Variants in PON1 observed in about 807,000 individuals in gnomAD.
The protein encoded by PON1 is serum paraoxonase/arylesterase 1.
In PON1, 37 loss-of-function variants were observed where a neutral mutation model predicts 39.2. The observed-to-expected ratio is 0.94, with a 90% CI of 0.73 to 1.24. The LOEUF (loss-of-function observed/expected upper bound fraction) is 1.24, where lower values mean the gene tolerates loss of function less well. Among genes scored for constraint, PON1 ranks in the 50% most tolerant of loss-of-function variants. PON1 has a pLI of 0.00. For synonymous variants in PON1, 148 were observed against 152.2 expected (o/e 0.97, Z 0.21); for missense variants, 397 against 413.5 (o/e 0.96, Z 0.35).
Position 95,299,000 on chromosome 7 carries a change from T to C in PON1, c.1012A>G (p.Lys338Glu). Residue 338 changes from lysine to glutamate, a missense_variant, in exon 9 of 9, where the codon AAA becomes GAA. Lys to Glu is a moderately conservative substitution (Grantham distance 56, BLOSUM62 1). Coordinates refer to ENST00000222381, the MANE Select transcript of PON1 (RefSeq NM_000446.7). ...ACTGTGCCAATCAGCAGTTTCCCTT[T>C]GTACACAGAGGCAACTGTACTGCCT... is the stretch of plus-strand genomic sequence containing the variant. Reference protein sequence around the residue: ...LQGSTVASVYKGKLLIGTVFH... With the variant: ...LQGSTVASVYEGKLLIGTVFH... The C allele has an allele frequency of 6.2e-7, 1 of 1,614,204 alleles. No individual in the cohort carries two copies. The highest frequency in any genetic ancestry group is 8.5e-7 in the Non-Finnish European group (1 of 1,180,020).
At chr7:95,312,459 A>G (rs185332968) in intron 4 of PON1, among the ~76,000 whole-genome samples, 2 of 152,332 alleles carry the variant, frequency 1.3e-5, no homozygotes, top group East Asian at 3.9e-4. Flanking sequence ...TGCTAAAATG[A>G]TTTTCATTAC....
Position 95,302,233 on chromosome 7 carries a change from T to C in PON1, c.881A>G (p.Tyr294Cys). 3 of 1,612,702 alleles carry C rather than the reference T, an allele frequency of 1.9e-6. No individual in the cohort carries two copies. The highest frequency in any genetic ancestry group is 2.5e-6 in the Non-Finnish European group (3 of 1,179,160). ...CHPNGMKIFFYDSENPPASEV... is the reference protein window; with the variant it reads ...CHPNGMKIFFCDSENPPASEV... ...TGATGCAGGAGGATTCTCTGAGTCA[T>C]AGAAGAAGATTTTCATGCCATTGGG... The change falls in exon 8 of 9, where the codon TAT (tyrosine) becomes TGT (cysteine). Residue 294 changes from tyrosine (Y) to cysteine (C), a missense_variant. By Grantham distance (194) the Tyr-to-Cys change is radical. Transcript: ENST00000222381.
At chr7:95,306,052 G>A (rs560601013) in intron 7 of PON1, among the ~76,000 whole-genome samples, 18 of 152,284 alleles carry the variant, frequency 1.2e-4, no homozygotes, top group African/African-American at 3.1e-4. Context: ...ATTTGCTAGA[G>A]CAGAAAGAAT....
intron 7 of PON1, among the ~76,000 whole-genome samples, chr7:95,303,433 G>GA (rs1807475198): frequency 6.6e-6 from 1 of 152,216 alleles, no homozygotes; most frequent in Non-Finnish European, 1.5e-5. Context: ...TTTGAATGAG[G>GA]AAAATGTTTG....
intron 1 of PON1, among the ~76,000 whole-genome samples, chr7:95,323,688 G>C (rs1807949140): frequency 6.6e-6 from 1 of 152,044 alleles, no homozygotes; most frequent in African/African-American, 2.4e-5. Context: ...TACTTTAAAG[G>C]GAAGCAGGGA....
In PON1 at chr7:95,311,789, T is replaced by C. The variant is rs559577827; in HGVS notation, c.371-212A>G. On this transcript the variant is annotated intron_variant, in intron 4 of 8. Coordinates refer to ENST00000222381, the MANE Select transcript of PON1 (RefSeq NM_000446.7). ...AGAACCAGTGACAGTCTCTGAAAAC[T>C]CAAAACTCCACAGGAGAAAAAAAAA... Among the ~76,000 whole-genome samples the C allele has an allele frequency of 7.9e-5, 12 of 152,072 alleles. No homozygotes were observed. The South Asian group carries it at 1.7e-3, about 21-fold the overall frequency.
At chr7:95,316,391 T>A (rs1807769555) in intron 3 of PON1, among the ~76,000 whole-genome samples, 1 of 152,222 alleles carries the variant, frequency 6.6e-6, no homozygotes, top group South Asian at 2.1e-4. Context: ...ATTAAATGTA[T>A]ATTTAATTTA....
chr7:95,323,230 C>G lies in PON1; in HGVS notation c.74+1172G>C, dbSNP rs986772943. On this transcript the variant is annotated intron_variant, in intron 1 of 8. Coordinates refer to ENST00000222381, the MANE Select transcript of PON1 (RefSeq NM_000446.7). ...CAGTGGGTAAAATTTCCCTTCCTTC[C>G]TCTGTCTGGGTCACTCCAGGAGGCT... is the stretch of plus-strand genomic sequence containing the variant. Among the ~76,000 whole-genome samples the G allele has an allele frequency of 1.3e-5, 2 of 152,102 alleles. 1 individual carries two copies. The highest frequency in any genetic ancestry group is 2.9e-5 in the Non-Finnish European group (2 of 68,032).
At chr7:95,306,458 C>A in intron 6 of PON1, 92 bp from the exon 7 acceptor site, 1 of 956,944 alleles carries the variant, frequency 1.0e-6, no homozygotes, top group Non-Finnish European at 1.7e-6. Context: ...TAGGGAAGAA[C>A]TTTGCTTAAG....
chr7:95,301,396 T>C (rs995190595), intron 8 of PON1, among the ~76,000 whole-genome samples: 1 of 152,140 alleles, frequency 6.6e-6, no homozygotes. Flanking sequence ...CCTGTGCGTA[T>C]ACCGCCACAC....
chr7:95,300,442 G>A (rs1485390899), intron 8 of PON1, among the ~76,000 whole-genome samples: 4 of 152,176 alleles, frequency 2.6e-5, no homozygotes, highest in Non-Finnish European at 4.4e-5. Context: ...GCCACTGCGT[G>A]GATATAAAAG....
chr7:95,313,104 C>T (rs1807691285), intron 4 of PON1, among the ~76,000 whole-genome samples: 1 of 152,190 alleles, frequency 6.6e-6, no homozygotes, highest in Non-Finnish European at 1.5e-5. Flanking sequence ...CAGGAAAGGT[C>T]ATGAGAGGCA....
intron 6 of PON1, 69 bp downstream of exon 6, chr7:95,307,937 TAAAAA>T: frequency 7.2e-7 from 1 of 1,388,180 alleles, no homozygotes; most frequent in South Asian, 1.2e-5. Flanking sequence ...TCATATTACT[TAAAAA>T]AAGAATATAT....
rs1807973241 is a variant in PON1 at position 95,324,527 on chromosome 7, G to C, written c.-52C>G. 1.3e-6 allele frequency: 2 copies of C among 1,556,362 alleles called. No individual in the cohort carries two copies. The highest frequency in any genetic ancestry group is 1.8e-6 in the Non-Finnish European group (2 of 1,132,032). On this transcript the variant is annotated 5_prime_UTR_variant, in exon 1 of 9. Transcript: ENST00000222381. ...GGGCGCAGACACCGACGGGCTAGGA[G>C]GCTCTGCCTGCCTGCAGCCGCAGCC... is the stretch of plus-strand genomic sequence containing the variant.
In PON1 at chr7:95,298,286, C is replaced by A. The variant is rs577092530; in HGVS notation, c.*658G>T. The A allele has an allele frequency of 1.3e-5, 2 of 154,052 alleles. No homozygotes were observed. Among genetic ancestry groups the A allele is most frequent in the African/African-American group, 4.8e-5 (2 of 41,422 alleles). The allele number at this position is 154,052 out of a possible 1,614,324, so 9.5% of individuals were successfully genotyped here. A position where few individuals can be genotyped will look rare whatever the true frequency, so the allele number is the denominator to read the frequency against. On this transcript the variant is annotated 3_prime_UTR_variant, in exon 9 of 9. Transcript: ENST00000222381. The stretch of plus-strand genomic sequence containing the variant: ...CATAATTTTCAGGTGTGACAACACT[C>A]CCAAGAATTTTAAGATTTTCCTATG...
rs370563795 is a variant in PON1 at position 95,318,197 on chromosome 7, A to G, written c.145+126T>C. 10 of 760,948 alleles carry G rather than the reference A, an allele frequency of 1.3e-5. No individual in the cohort carries two copies. In the South Asian group the frequency reaches 1.3e-4, roughly 10 times the overall value. The allele number at this position is 760,948 out of a possible 1,614,324, so 47.1% of individuals were successfully genotyped here. A position where few individuals can be genotyped will look rare whatever the true frequency, so the allele number is the denominator to read the frequency against. On this transcript the variant is annotated intron_variant, in intron 2 of 8. Transcript: ENST00000222381. ...TCAAACAACATGGTATTTATCATTA[A>G]CTACCACTGACTCTCCTGATTCAAA...
chr7:95,310,019 G>A (rs571498356), intron 5 of PON1, among the ~76,000 whole-genome samples: 3 of 152,232 alleles, frequency 2.0e-5, no homozygotes, highest in South Asian at 2.1e-4. Flanking sequence ...ATCCGGTAAC[G>A]TAGACCAATC....
intron 4 of PON1, among the ~76,000 whole-genome samples, chr7:95,315,038 A>G (rs1807735233): frequency 6.6e-6 from 1 of 152,210 alleles, no homozygotes; most frequent in Non-Finnish European, 1.5e-5. Flanking sequence ...TATAATGATC[A>G]GGGCTGGATA....
In PON1 at chr7:95,324,499, G is replaced by C. The variant is rs543016244; in HGVS notation, c.-24C>G. On this transcript the variant is annotated 5_prime_UTR_variant, in exon 1 of 9. In the 5' UTR this introduces an upstream ATG that the reference lacks. Coordinates refer to ENST00000222381, the MANE Select transcript of PON1 (RefSeq NM_000446.7). ...ATGGTCGGGGATAGACAAAGGGATC[G>C]ATGGGCGCAGACACCGACGGGCTAG... 4.4e-6 allele frequency: 7 copies of C among 1,609,174 alleles called. No individual in the cohort carries two copies. Among genetic ancestry groups the C allele is most frequent in the African/African-American group, 1.3e-5 (1 of 74,936 alleles).
Sources: allele counts gnomAD v4.1 joint callset (sites outside exome capture counted in the v4.1 genomes callset), GRCh38; gene constraint gnomAD v4.1.1; transcripts MANE v1.5; gene names NCBI Gene and HGNC (gene_info 2026-07-23, HGNC 2026-07-21).